OSBP2: variants seen among roughly 807,000 people sequenced by gnomAD.
OSBP2 encodes oxysterol binding protein 2.
OSBP2 carries 66 observed loss-of-function variants against 96.0 expected under a neutral mutation model. The observed-to-expected ratio is 0.69, with a 90% confidence interval of 0.56 to 0.84. The LOEUF is 0.84. Ranked by LOEUF, OSBP2 falls within the 40% of genes least tolerant of loss-of-function variation. The probability of loss-of-function intolerance (pLI) is 0.00; values close to 1 mark genes in which losing one functional copy is unlikely to be tolerated. For synonymous variants in OSBP2, 525 were observed against 520.9 expected, an observed-to-expected ratio of 1.01 and a Z score of -0.11; for missense variants, 1,038 against 1,222.7, an observed-to-expected ratio of 0.85 and a Z score of 2.25.
At chr22:30,750,878 A>G (rs1301372549) in intron 2 of OSBP2, among the ~76,000 whole-genome samples, 1 of 151,934 alleles carries the variant, frequency 6.6e-6, no homozygotes, top group Non-Finnish European at 1.5e-5. Context: ...CTGAGTAGTT[A>G]TTATAGGCAT....
At chr22:30,764,187 A>G (rs926564030) in intron 2 of OSBP2, 4 of 969,958 alleles carry the variant, frequency 4.1e-6, no homozygotes, top group African/African-American at 1.8e-5. Flanking sequence ...CATTGATGTC[A>G]TAACTCTATT....
chr22:30,733,003 G>T (rs945629861), intron 1 of OSBP2, among the ~76,000 whole-genome samples: 3 of 152,190 alleles, frequency 2.0e-5, no homozygotes, highest in African/African-American at 7.2e-5. Flanking sequence ...TTGGACCATG[G>T]TGCTGCTGGA....
At chr22:30,752,355 G>A (rs1453281981) in intron 2 of OSBP2, among the ~76,000 whole-genome samples, 1 of 122,284 alleles carries the variant, frequency 8.2e-6, no homozygotes. Context: ...CTGGAGTGCA[G>A]TGGCACCATC....
At chr22:30,892,783 A>G (rs980741649) in intron 8 of OSBP2, among the ~76,000 whole-genome samples, 1 of 152,160 alleles carries the variant, frequency 6.6e-6, no homozygotes, top group East Asian at 1.9e-4. Flanking sequence ...TGAGAAGTGG[A>G]CATGGAACCT....
chr22:30,806,169 G>A lies in OSBP2; in HGVS notation c.854-64260G>A, dbSNP rs117758152. On this transcript the variant is annotated intron_variant, in intron 2 of 13. Transcript: ENST00000332585. ...GAAGAGACTGAGGCTCAGACAGGTC[G>A]CAGTGCCCAAGGTCTGACTCTGGCC... Among the ~76,000 whole-genome samples the A allele has an allele frequency of 3.1e-4, 47 of 152,266 alleles. 2 individuals carry two copies. The East Asian group carries it at 6.8e-3, about 22-fold the overall frequency.
Position 30,720,294 on chromosome 22 carries a change from C to G in OSBP2, c.645-20867C>G, listed in dbSNP as rs553080937. The stretch of plus-strand genomic sequence containing the variant: ...CCTATGGGTGATTAATTGGGGTGAT[C>G]CTGAGTGGGCTCAGGATCTGTCATG... On this transcript the variant is annotated intron_variant, in intron 1 of 13. Transcript: ENST00000332585. 2.0e-5 allele frequency among the ~76,000 whole-genome samples: 3 copies of G among 152,276 alleles called. No homozygotes were observed. In the South Asian group the frequency reaches 6.2e-4, roughly 32 times the overall value.
At chr22:30,694,570 T>C (rs1229380174), upstream of OSBP2, among the ~76,000 whole-genome samples, 1 of 42,862 alleles carries the variant, frequency 2.3e-5, no homozygotes, top group African/African-American at 1.0e-4. Flanking sequence ...TCATTGTTCC[T>C]CCAGCGCCTG....
chr22:30,715,856 C>CTTT (rs56747830), intron 1 of OSBP2, among the ~76,000 whole-genome samples: 1 of 130,290 alleles, frequency 7.7e-6, no homozygotes. Flanking sequence ...CACACCTAAC[C>CTTT]TTTTTTTTTT....
At chr22:30,723,234 G>A (rs1214273661) in intron 1 of OSBP2, among the ~76,000 whole-genome samples, 1 of 151,946 alleles carries the variant, frequency 6.6e-6, no homozygotes, top group African/African-American at 2.4e-5. Flanking sequence ...AGCCTCCTGA[G>A]TAGCTGGGAC....
At chr22:30,714,334 C>G (rs1347737120) in intron 1 of OSBP2, among the ~76,000 whole-genome samples, 1 of 151,982 alleles carries the variant, frequency 6.6e-6, no homozygotes, top group Non-Finnish European at 1.5e-5. Context: ...GATTCCATAT[C>G]TTGGCTATTG....
chr22:30,754,149 G>A (rs990978190), intron 2 of OSBP2, among the ~76,000 whole-genome samples: 1 of 152,190 alleles, frequency 6.6e-6, no homozygotes, highest in East Asian at 1.9e-4. Context: ...TCTTTTGGCT[G>A]GACTTCAGCC....
chr22:30,889,337 T>C, intron 6 of OSBP2, 103 bp downstream of exon 6: 2 of 1,415,236 alleles, frequency 1.4e-6, no homozygotes, highest in South Asian at 2.5e-5. Context: ...GGCAGGCCCA[T>C]GCCCCAGTCC....
intron 3 of OSBP2, among the ~76,000 whole-genome samples, chr22:30,877,391 C>T (rs1340092621): frequency 2.6e-5 from 4 of 152,156 alleles, no homozygotes; most frequent in Admixed American, 1.3e-4. Flanking sequence ...TGAACCATAA[C>T]GTGCCTGCCC....
intron 1 of OSBP2, among the ~76,000 whole-genome samples, chr22:30,739,795 C>T (rs2089912169): frequency 6.6e-6 from 1 of 151,634 alleles, no homozygotes; most frequent in Admixed American, 6.6e-5. Context: ...TCAAATCAGT[C>T]TCCCTGAGCA....
chr22:30,894,212 G>A (rs1210875852), intron 12 of OSBP2: 9 of 572,022 alleles, frequency 1.6e-5, no homozygotes, highest in African/African-American at 3.7e-5. Flanking sequence ...GACTTTAAGC[G>A]AGGTGATAGG....
At chr22:30,694,595 A>C (rs11912993), upstream of OSBP2, among the ~76,000 whole-genome samples, 151,898 of 151,908 alleles carry the variant, frequency 1, 75,944 homozygotes, top group Middle Eastern at 1. Flanking sequence ...GGCTGGGCCG[A>C]AGCAGAGACC....
intron 2 of OSBP2, among the ~76,000 whole-genome samples, chr22:30,843,909 T>A (rs1426010302): frequency 6.6e-6 from 1 of 151,392 alleles, no homozygotes; most frequent in Non-Finnish European, 1.5e-5. Context: ...GATCTTACTC[T>A]GTCACCCAGG....
chr22:30,902,510 C>A, intron 12 of OSBP2: 1 of 1,528,040 alleles, frequency 6.5e-7, no homozygotes, highest in South Asian at 1.1e-5. Flanking sequence ...GACGAAGCTT[C>A]AGGGATGACT....
intron 1 of OSBP2, among the ~76,000 whole-genome samples, chr22:30,710,464 G>C (rs891012093): frequency 6.6e-6 from 1 of 152,020 alleles, no homozygotes; most frequent in Non-Finnish European, 1.5e-5. Context: ...CATGTTGTCC[G>C]GCCATGTCTT....
Sources: allele counts gnomAD v4.1 joint callset (sites outside exome capture counted in the v4.1 genomes callset), GRCh38; gene constraint gnomAD v4.1.1; transcripts MANE v1.5; gene names NCBI Gene and HGNC (gene_info 2026-07-23, HGNC 2026-07-21).